Variants in RNF170 observed in about 807,000 individuals in gnomAD.
The protein encoded by RNF170 is ring finger protein 170, also known as E3 ubiquitin-protein ligase RNF170.
A neutral mutation model predicts 32.7 loss-of-function variants in RNF170; 12 were observed. That is an observed-to-expected ratio of 0.37 (90% CI 0.24 to 0.60). The LOEUF (loss-of-function observed/expected upper bound fraction) is 0.60. RNF170 is among the 20% of genes least tolerant of loss of function. The pLI, the probability that RNF170 is intolerant of heterozygous loss-of-function variation, is 0.72. For synonymous variants in RNF170, 91 were observed against 103.6 expected (o/e 0.88, Z 0.74); for missense variants, 212 against 311.2 (o/e 0.68, Z 2.40).
chr8:42,853,703 C>G lies in RNF170; in HGVS notation c.*2456G>C. The G allele has an allele frequency of 7.8e-7, 1 of 1,287,164 alleles. No homozygotes were observed. Among genetic ancestry groups the G allele is most frequent in the Non-Finnish European group, 1.0e-6 (1 of 988,668 alleles). 79.7% of individuals were successfully genotyped at this position (1,287,164 alleles called of 1,614,324 possible). On this transcript the variant is annotated 3_prime_UTR_variant, in exon 7 of 7. Coordinates refer to ENST00000527424, the MANE Select transcript of RNF170 (RefSeq NM_030954.4). ...ATGATGTTCAAAACTCTGATTGACTCTACTTGCTTTAAAAACTCTCAGATC... is the reference window on the plus strand; with the variant it reads ...ATGATGTTCAAAACTCTGATTGACTGTACTTGCTTTAAAAACTCTCAGATC...
intron 3 of RNF170, 43 bp from the exon 4 acceptor site, chr8:42,870,155 G>T: frequency 7.4e-7 from 1 of 1,352,124 alleles, no homozygotes; most frequent in Non-Finnish European, 1.1e-6. Flanking sequence ...CAACACATGT[G>T]GCCCTCAACA....
At chr8:42,885,889 C>T (rs1805777164) in intron 2 of RNF170, among the ~76,000 whole-genome samples, 2 of 152,022 alleles carry the variant, frequency 1.3e-5, no homozygotes, top group South Asian at 4.1e-4. Context: ...CTCCAAGTAG[C>T]TGAGACTACA....
In RNF170 at chr8:42,853,994, A is replaced by G; in HGVS notation, c.*2165T>C. 1 of 1,287,150 alleles carries G rather than the reference A, an allele frequency of 7.8e-7. No homozygotes were observed. The highest frequency in any genetic ancestry group is 1.2e-5 in the South Asian group (1 of 80,936). The allele number at this position is 1,287,150 out of a possible 1,614,324, so 79.7% of individuals were successfully genotyped here. On this transcript the variant is annotated 3_prime_UTR_variant, in exon 7 of 7. Coordinates refer to ENST00000527424, the MANE Select transcript of RNF170 (RefSeq NM_030954.4). ...AATCCTGTCAAAAAATGACATCACC[A>G]TTCCCCCACACCAAATGTGTAATTG...
intron 2 of RNF170, chr8:42,881,440 A>C (rs1264461721): frequency 6.6e-6 from 1 of 152,226 alleles, no homozygotes; most frequent in Non-Finnish European, 1.5e-5. Flanking sequence ...ATGAAAACAG[A>C]GCAGGTCAAA....
intron 2 of RNF170, among the ~76,000 whole-genome samples, chr8:42,885,974 C>T (rs1038571134): frequency 6.6e-6 from 1 of 152,044 alleles, no homozygotes; most frequent in Non-Finnish European, 1.5e-5. Context: ...TGTAACCCCC[C>T]GATTTTGGGA....
chr8:42,855,103 G>A lies in RNF170; in HGVS notation c.*1056C>T, dbSNP rs1409087243. 7.0e-6 allele frequency: 9 copies of A among 1,287,044 alleles called. No homozygotes were observed. Among genetic ancestry groups the A allele is most frequent in the East Asian group, 5.5e-5 (1 of 18,042 alleles). 79.7% of individuals were successfully genotyped at this position (1,287,044 alleles called of 1,614,324 possible). A position where few individuals can be genotyped will look rare whatever the true frequency, so the allele number is the denominator to read the frequency against. On this transcript the variant is annotated 3_prime_UTR_variant, in exon 7 of 7. Coordinates refer to ENST00000527424, the MANE Select transcript of RNF170 (RefSeq NM_030954.4). ...CAGGCTACTCTGTGTTTGCAGCATC[G>A]CCCAGGTTCCTAAAACAATCTTCCC...
At position 42,853,547 on chromosome 8, in the gene RNF170, C is replaced by G. The variant is rs1421727494; in HGVS notation, c.*2612G>C. ...TTTCCCCGTCTTGTTCCCCACAGAG[C>G]TGCCCAAGTTATTATCTGCTCCTGG... On this transcript the variant is annotated 3_prime_UTR_variant, in exon 7 of 7. Coordinates refer to ENST00000527424, the MANE Select transcript of RNF170 (RefSeq NM_030954.4). 4 of 1,287,032 alleles carry G rather than the reference C, an allele frequency of 3.1e-6. No individual in the cohort carries two copies. Among genetic ancestry groups the G allele is most frequent in the African/African-American group, 1.5e-5 (1 of 65,766 alleles). 79.7% of individuals were successfully genotyped at this position (1,287,032 alleles called of 1,614,324 possible).
intron 6 of RNF170, among the ~76,000 whole-genome samples, chr8:42,859,239 A>G (rs1586482134): frequency 6.6e-6 from 1 of 152,320 alleles, no homozygotes; most frequent in Non-Finnish European, 1.5e-5. Context: ...AACATGTATC[A>G]GGCTGCTGTG....
chr8:42,858,068 T>C (rs1803374832), intron 6 of RNF170, among the ~76,000 whole-genome samples: 1 of 152,132 alleles, frequency 6.6e-6, no homozygotes, highest in Non-Finnish European at 1.5e-5. Flanking sequence ...AAATGTTAAA[T>C]GACTTTATTA....
chr8:42,881,590 T>C (rs994970662), intron 2 of RNF170: 3 of 152,132 alleles, frequency 2.0e-5, no homozygotes, highest in Admixed American at 2.0e-4. Flanking sequence ...TGCAGCAACA[T>C]GGATGCAGCT....
chr8:42,888,758 C>A (rs1197996550), intron 1 of RNF170, among the ~76,000 whole-genome samples: 1 of 149,626 alleles, frequency 6.7e-6, no homozygotes, highest in Non-Finnish European at 1.5e-5. Context: ...GACCCTGTCC[C>A]CCGCCCCCCA....
rs1392397204 is a variant in RNF170 at position 42,896,484 on chromosome 8, C to G, written c.-8G>C. ...CGTGGCCGCCGCGCGCCGGACGTAC[C>G]TCTCCACCGCGAAGGAACTACCTCG... On this transcript the variant is annotated splice_region_variant and 5_prime_UTR_variant, in exon 1 of 7. Coordinates refer to ENST00000527424, the MANE Select transcript of RNF170 (RefSeq NM_030954.4). The G allele has an allele frequency of 4.4e-6, 2 of 453,958 alleles. No homozygotes were observed. The highest frequency in any genetic ancestry group is 1.6e-5 in the South Asian group (1 of 64,462). The allele number at this position is 453,958 out of a possible 1,614,324, so 28.1% of individuals were successfully genotyped here.
At chr8:42,869,607 G>A (rs1469214016) in intron 4 of RNF170, among the ~76,000 whole-genome samples, 5 of 152,174 alleles carry the variant, frequency 3.3e-5, no homozygotes, top group Non-Finnish European at 1.5e-5. Context: ...GCAGGTTCTT[G>A]AGAGAAGAAC....
intron 2 of RNF170, among the ~76,000 whole-genome samples, chr8:42,878,861 G>A (rs774346041): frequency 1.3e-5 from 2 of 152,194 alleles, no homozygotes; most frequent in African/African-American, 4.8e-5. Context: ...AATGCAACTG[G>A]TGACTTTTAA....
downstream of RNF170, chr8:42,850,939 C>T: frequency 6.4e-7 from 1 of 1,551,700 alleles, no homozygotes; most frequent in Non-Finnish European, 8.7e-7. Flanking sequence ...TGTGTCCAGG[C>T]ATGCAACAGC....
At chr8:42,883,085 A>G (rs985502648) in intron 2 of RNF170, among the ~76,000 whole-genome samples, 4 of 151,774 alleles carry the variant, frequency 2.6e-5, no homozygotes, top group South Asian at 2.1e-4. Context: ...AAGAGAAATC[A>G]CATGTTCTGA....
intron 4 of RNF170, among the ~76,000 whole-genome samples, chr8:42,868,428 CAGAA>C (rs1374612817): frequency 2.6e-5 from 4 of 152,160 alleles, no homozygotes; most frequent in Non-Finnish European, 5.9e-5. Flanking sequence ...ACTGTTTAAA[CAGAA>C]AGAAACAATA....
chr8:42,851,125 TG>T, downstream of RNF170: 1 of 1,377,794 alleles, frequency 7.3e-7, no homozygotes, highest in Admixed American at 2.1e-5. Context: ...TCCAGCTCCC[TG>T]GGCTCTACCA....
upstream of RNF170, chr8:42,897,061 C>T: frequency 1.7e-6 from 2 of 1,170,708 alleles, no homozygotes; most frequent in Non-Finnish European, 2.2e-6. Context: ...TGCGCGGGCC[C>T]CCGGATCCCC....
Sources: gnomAD v4.1 joint callset for allele counts (sites outside exome capture counted in the v4.1 genomes callset) on GRCh38, gnomAD v4.1.1 for gene constraint, MANE v1.5 for transcripts, NCBI Gene and HGNC (gene_info 2026-07-23, HGNC 2026-07-21) for gene names.